LSAMP: variants seen among roughly 807,000 people sequenced by gnomAD.
LSAMP encodes the protein limbic system associated membrane protein, also known as limbic system-associated membrane protein.
A neutral mutation model predicts 38.6 loss-of-function variants in LSAMP; 7 were observed. That is an observed-to-expected ratio of 0.18 (90% CI 0.10 to 0.34). The LOEUF (loss-of-function observed/expected upper bound fraction) is 0.34. Ranked by LOEUF, LSAMP falls within the 10% of genes least tolerant of loss-of-function variation. The pLI is 1.00. For missense variants in LSAMP, 313 were observed against 420.0 expected, an observed-to-expected ratio of 0.75 and a Z score of 2.23; for synonymous variants, 154 against 166.8, an observed-to-expected ratio of 0.92 and a Z score of 0.59.
In LSAMP at chr3:116,068,997, A is replaced by G. The variant is rs1010687586; in HGVS notation, c.388+17327T>C. Among the ~76,000 whole-genome samples the G allele has an allele frequency of 5.8e-4, 89 of 152,238 alleles. 1 individual carries two copies. The highest frequency in any genetic ancestry group is 3.2e-4 in the Non-Finnish European group (22 of 68,040). ...AGCAAGATCAAGTAAGCCATGATCA[A>G]GATATCACTTTACATAAACTATGCT... is the stretch of plus-strand genomic sequence containing the variant. On this transcript the variant is annotated intron_variant, in intron 2 of 6. Transcript: ENST00000490035.
chr3:115,811,516 A>G (rs1933830911), intron 6 of LSAMP, among the ~76,000 whole-genome samples: 1 of 152,078 alleles, frequency 6.6e-6, no homozygotes, highest in Non-Finnish European at 1.5e-5. Flanking sequence ...TGTAATTGTC[A>G]GTCACTTAAA....
intron 5 of LSAMP, 148 bp downstream of exon 5, chr3:115,842,310 G>A: frequency 8.6e-7 from 1 of 1,166,006 alleles, no homozygotes; most frequent in Non-Finnish European, 1.2e-6. Flanking sequence ...AGGCCCCAAA[G>A]AATTTGATAA....
At chr3:116,185,124 C>T (rs1710584189) in intron 1 of LSAMP, among the ~76,000 whole-genome samples, 1 of 150,308 alleles carries the variant, frequency 6.7e-6, no homozygotes, top group Admixed American at 6.7e-5. Flanking sequence ...TTCCCTTCTC[C>T]CTCCAGAATT....
intron 2 of LSAMP, among the ~76,000 whole-genome samples, chr3:116,041,245 A>G (rs1432531445): frequency 6.6e-6 from 1 of 152,086 alleles, no homozygotes; most frequent in African/African-American, 2.4e-5. Context: ...TAAGGCCCAT[A>G]TTAGCCAACA....
intron 1 of LSAMP, among the ~76,000 whole-genome samples, chr3:116,221,566 C>CTG (rs1369074512): frequency 6.6e-6 from 1 of 152,154 alleles, no homozygotes; most frequent in African/African-American, 2.4e-5. Flanking sequence ...GTGTACATGC[C>CTG]TGTGTGTGTC....
chr3:116,180,753 T>C (rs1559772632), intron 1 of LSAMP, among the ~76,000 whole-genome samples: 1 of 152,150 alleles, frequency 6.6e-6, no homozygotes, highest in African/African-American at 2.4e-5. Flanking sequence ...TAATACAAAA[T>C]ATAGCCATTA....
intron 1 of LSAMP, among the ~76,000 whole-genome samples, chr3:116,291,011 T>C (rs956821757): frequency 2.6e-5 from 4 of 152,112 alleles, no homozygotes; most frequent in Admixed American, 6.5e-5. Flanking sequence ...GCACCCCTTA[T>C]GTCCAACAAG....
intron 3 of LSAMP, among the ~76,000 whole-genome samples, chr3:115,987,048 G>A (rs1939529153): frequency 6.6e-6 from 1 of 152,164 alleles, no homozygotes; most frequent in Non-Finnish European, 1.5e-5. Flanking sequence ...GCAGTTACTG[G>A]GTTTTCTCCC....
At chr3:116,292,031 T>G (rs2107694656) in intron 1 of LSAMP, among the ~76,000 whole-genome samples, 1 of 152,284 alleles carries the variant, frequency 6.6e-6, no homozygotes, top group Admixed American at 6.5e-5. Context: ...CATAAAATGG[T>G]ACCACTCGCA....
chr3:115,964,985 G>A (rs1264370778), intron 3 of LSAMP, among the ~76,000 whole-genome samples: 1 of 152,176 alleles, frequency 6.6e-6, no homozygotes, highest in South Asian at 2.1e-4. Flanking sequence ...CAGATTTAAT[G>A]TGTGACCTTT....
intron 3 of LSAMP, among the ~76,000 whole-genome samples, chr3:115,875,141 T>C (rs1936148651): frequency 6.6e-6 from 1 of 152,100 alleles, no homozygotes; most frequent in Admixed American, 6.6e-5. Flanking sequence ...TCAATCCCAA[T>C]CACAAATTAT....
chr3:116,029,298 G>A (rs969923611), intron 2 of LSAMP, among the ~76,000 whole-genome samples: 5 of 152,046 alleles, frequency 3.3e-5, no homozygotes, highest in African/African-American at 1.2e-4. Flanking sequence ...ATCAGCCTGT[G>A]GGGTCGGCAT....
intron 3 of LSAMP, among the ~76,000 whole-genome samples, chr3:115,927,289 TAG>T (rs1937514880): frequency 6.6e-6 from 1 of 152,154 alleles, no homozygotes. Flanking sequence ...AAGAAGGAAC[TAG>T]AGAGCAATGG....
intron 1 of LSAMP, among the ~76,000 whole-genome samples, chr3:116,138,823 CTTTTT>C (rs36060209): frequency 1.6e-4 from 24 of 146,762 alleles, no homozygotes; most frequent in African/African-American, 6.0e-4. Context: ...CGTAAATTGA[CTTTTT>C]TTTTTTTCCA....
At chr3:116,121,973 T>A (rs1465652235) in intron 1 of LSAMP, among the ~76,000 whole-genome samples, 2 of 151,722 alleles carry the variant, frequency 1.3e-5, no homozygotes, top group African/African-American at 4.9e-5. Flanking sequence ...TTCCAATATG[T>A]CCCAGAGAAG....
chr3:116,033,686 T>G (rs1479807943), intron 2 of LSAMP, among the ~76,000 whole-genome samples: 3 of 152,150 alleles, frequency 2.0e-5, no homozygotes, highest in South Asian at 4.1e-4. Context: ...TGTATCCATC[T>G]GGTAATGCTT....
intron 1 of LSAMP, among the ~76,000 whole-genome samples, chr3:116,211,382 CAT>C (rs2046154218): frequency 6.6e-6 from 1 of 152,074 alleles, no homozygotes; most frequent in South Asian, 2.1e-4. Context: ...TGAGGTAATG[CAT>C]ATGTTAATTA....
intron 1 of LSAMP, among the ~76,000 whole-genome samples, chr3:116,395,577 C>T (rs1374507997): frequency 2.0e-5 from 3 of 152,132 alleles, no homozygotes; most frequent in African/African-American, 4.8e-5. Context: ...GCACAGAGCT[C>T]TGGGAGTTGC....
chr3:116,299,190 A>G (rs1392952436), intron 1 of LSAMP, among the ~76,000 whole-genome samples: 1 of 152,184 alleles, frequency 6.6e-6, no homozygotes, highest in Non-Finnish European at 1.5e-5. Context: ...AATTGGGAGA[A>G]GTAGAAACGA....
Sources: allele counts gnomAD v4.1 joint callset (sites outside exome capture counted in the v4.1 genomes callset), GRCh38; gene constraint gnomAD v4.1.1; transcripts MANE v1.5; gene names NCBI Gene and HGNC (gene_info 2026-07-23, HGNC 2026-07-21).